Variants in GPC5 observed in about 807,000 individuals in gnomAD.
GPC5 encodes the protein glypican 5.
A neutral mutation model predicts 53.9 loss-of-function variants in GPC5; 47 were observed. The observed-to-expected ratio is 0.87, with a 90% CI of 0.69 to 1.11. The LOEUF (loss-of-function observed/expected upper bound fraction) is 1.11, where lower values mean the gene tolerates loss of function less well. Among genes scored for constraint, GPC5 ranks in the 50% most tolerant of loss-of-function variants. The pLI is 0.00. For synonymous variants in GPC5, 286 were observed against 263.3 expected (o/e 1.09, Z -0.84); for missense variants, 748 against 713.1 (o/e 1.05, Z -0.56).
intron 1 of GPC5, among the ~76,000 whole-genome samples, chr13:91,438,020 C>G (rs189952727): frequency 9.5e-4 from 134 of 140,812 alleles, no homozygotes; most frequent in Non-Finnish European, 1.6e-3. Flanking sequence ...TTCATCAGGT[C>G]CTTTAAGGAC....
intron 7 of GPC5, among the ~76,000 whole-genome samples, chr13:92,453,389 A>G (rs1296277628): frequency 6.6e-6 from 1 of 152,088 alleles, no homozygotes; most frequent in African/African-American, 2.4e-5. Flanking sequence ...TGTGGTATGA[A>G]CATTAACATG....
chr13:92,295,741 T>C (rs1339715149), intron 7 of GPC5, among the ~76,000 whole-genome samples: 1 of 152,214 alleles, frequency 6.6e-6, no homozygotes, highest in Non-Finnish European at 1.5e-5. Flanking sequence ...CTCCTGTTGC[T>C]TTAAAGCCTG....
intron 2 of GPC5, among the ~76,000 whole-genome samples, chr13:91,578,195 T>C (rs2032210897): frequency 2.0e-5 from 3 of 152,170 alleles, no homozygotes; most frequent in Non-Finnish European, 2.9e-5. Flanking sequence ...TGGAAGCAGA[T>C]CCTTCAGCTC....
intron 2 of GPC5, among the ~76,000 whole-genome samples, chr13:91,627,501 T>G (rs1013987427): frequency 6.6e-6 from 1 of 152,088 alleles, no homozygotes; most frequent in Non-Finnish European, 1.5e-5. Context: ...CACCTTAGAT[T>G]GTAATTGTCA....
At chr13:91,513,834 C>T (rs1885361022) in intron 2 of GPC5, among the ~76,000 whole-genome samples, 2 of 152,120 alleles carry the variant, frequency 1.3e-5, no homozygotes, top group Non-Finnish European at 2.9e-5. Context: ...ACAGCTTTTT[C>T]CTTGTAATTC....
intron 7 of GPC5, among the ~76,000 whole-genome samples, chr13:92,377,592 T>C (rs1450125222): frequency 6.6e-6 from 1 of 152,218 alleles, no homozygotes; most frequent in Non-Finnish European, 1.5e-5. Flanking sequence ...TGCTAGAATA[T>C]GCTAGCCTAA....
chr13:92,344,718 C>G (rs959889834), intron 7 of GPC5, among the ~76,000 whole-genome samples: 8 of 152,086 alleles, frequency 5.3e-5, no homozygotes, highest in African/African-American at 1.4e-4. Flanking sequence ...AACCTCCTGC[C>G]AGCACCAGAG....
At position 92,613,629 on chromosome 13, in the gene GPC5, T is replaced by C. The variant is rs1310939420; in HGVS notation, c.1562-252653T>C. On this transcript the variant is annotated intron_variant, in intron 7 of 7. Transcript: ENST00000377067. Reference sequence around the variant, plus strand: ...ATTTATTTTATTATTTTATTTATTATATTTTATAAATATTAAATATATAAT... The same window carrying C: ...ATTTATTTTATTATTTTATTTATTACATTTTATAAATATTAAATATATAAT... Among the ~76,000 whole-genome samples, 3 of 136,890 alleles carry C rather than the reference T, an allele frequency of 2.2e-5. No homozygotes were observed. The South Asian group carries it at 6.3e-4, about 29-fold the overall frequency. 89.8% of individuals were successfully genotyped at this position (136,890 alleles called of 152,430 possible).
At chr13:92,152,883 C>T (rs2041917614) in intron 7 of GPC5, among the ~76,000 whole-genome samples, 1 of 152,126 alleles carries the variant, frequency 6.6e-6, no homozygotes, top group Non-Finnish European at 1.5e-5. Flanking sequence ...ATTTCCATGG[C>T]CCTATAGGCC....
intron 2 of GPC5, among the ~76,000 whole-genome samples, chr13:91,666,050 A>G (rs1349844156): frequency 6.6e-6 from 1 of 152,196 alleles, no homozygotes; most frequent in Non-Finnish European, 1.5e-5. Context: ...AAAGAAGCCC[A>G]TTCTATTTTC....
chr13:91,546,014 T>C (rs2030265855), intron 2 of GPC5, among the ~76,000 whole-genome samples: 2 of 152,104 alleles, frequency 1.3e-5, no homozygotes, highest in Admixed American at 6.5e-5. Flanking sequence ...CCTGAAACCC[T>C]TACACATAGC....
chr13:92,458,296 C>CT (rs1309973251), intron 7 of GPC5, among the ~76,000 whole-genome samples: 6 of 105,398 alleles, frequency 5.7e-5, no homozygotes, highest in Admixed American at 2.6e-4. Flanking sequence ...AGTTATTATT[C>CT]TTTTTTTGGG....
At chr13:91,914,242 A>G (rs72633723) in intron 6 of GPC5, among the ~76,000 whole-genome samples, 9,320 of 152,224 alleles carry the variant, frequency 0.061, 498 homozygotes, top group East Asian at 0.25. Context: ...TTAGAAATTA[A>G]TTTACCTACT....
chr13:91,775,951 G>T (rs2138707819), intron 5 of GPC5, among the ~76,000 whole-genome samples: 1 of 152,292 alleles, frequency 6.6e-6, no homozygotes, highest in South Asian at 2.1e-4. Context: ...GGTACAAAAG[G>T]AGTCCAATTT....
chr13:92,802,336 T>C (rs778969636), intron 7 of GPC5, among the ~76,000 whole-genome samples: 1 of 151,872 alleles, frequency 6.6e-6, no homozygotes, highest in Non-Finnish European at 1.5e-5. Flanking sequence ...AATTGCCTAA[T>C]GACATATTTC....
chr13:92,081,175 C>T (rs2041292222), intron 6 of GPC5, among the ~76,000 whole-genome samples: 1 of 152,104 alleles, frequency 6.6e-6, no homozygotes, highest in South Asian at 2.1e-4. Flanking sequence ...GTGGCACGAT[C>T]ACTGCAACTT....
At chr13:91,612,758 T>G (rs74241693) in intron 2 of GPC5, among the ~76,000 whole-genome samples, 5,538 of 152,312 alleles carry the variant, frequency 0.036, 295 homozygotes, top group South Asian at 0.22. Context: ...TCACCCTAAT[T>G]TATTTTCTTT....
intron 7 of GPC5, among the ~76,000 whole-genome samples, chr13:92,228,466 T>C (rs1240983539): frequency 6.6e-6 from 1 of 152,020 alleles, no homozygotes; most frequent in African/African-American, 2.4e-5. Context: ...TCTTAAGAAT[T>C]TTAATAAAAT....
chr13:92,086,725 C>A (rs999549405), intron 6 of GPC5, among the ~76,000 whole-genome samples: 1 of 151,826 alleles, frequency 6.6e-6, no homozygotes, highest in Non-Finnish European at 1.5e-5. Context: ...GTGGAGCAAT[C>A]TTGGCTCACC....
Sources: allele counts gnomAD v4.1 joint callset (sites outside exome capture counted in the v4.1 genomes callset), GRCh38; gene constraint gnomAD v4.1.1; transcripts MANE v1.5; gene names NCBI Gene and HGNC (gene_info 2026-07-23, HGNC 2026-07-21).